The following LSS variants were observed in gnomAD, a reference collection of about 807,000 sequenced individuals.
LSS encodes the protein lanosterol synthase.
In LSS, 90 loss-of-function variants were observed where a neutral mutation model predicts 110.3. That is an observed-to-expected ratio of 0.82 (90% confidence interval 0.69 to 0.97). LSS has a LOEUF of 0.97. LSS is among the 50% of genes least tolerant of loss of function. The probability of loss-of-function intolerance (pLI) is 0.00; values close to 1 mark genes in which losing one functional copy is unlikely to be tolerated. For missense variants in LSS, 927 were observed against 990.0 expected (o/e 0.94, Z 0.85); for synonymous variants, 433 against 400.0 (o/e 1.08, Z -0.98).
At chr21:46,217,139 C>T (rs181358546) in intron 6 of LSS, among the ~76,000 whole-genome samples, 154 of 148,364 alleles carry the variant, frequency 1.0e-3, no homozygotes, top group Non-Finnish European at 2.0e-3. Flanking sequence ...CCCAGCTACT[C>T]GGGAGGCTGA....
rs773537172 is a variant in LSS at position 46,188,612 on chromosome 21, G to A, written c.*2492C>T. 4.3e-6 allele frequency: 2 copies of A among 470,394 alleles called. No homozygotes were observed. Among genetic ancestry groups the A allele is most frequent in the African/African-American group, 2.0e-5 (1 of 50,014 alleles). The allele number at this position is 470,394 out of a possible 1,614,324, so 29.1% of individuals were successfully genotyped here. A position where few individuals can be genotyped will look rare whatever the true frequency, so the allele number is the denominator to read the frequency against. On this transcript the variant is annotated 3_prime_UTR_variant, in exon 22 of 22. Coordinates refer to ENST00000397728, the MANE Select transcript of LSS (RefSeq NM_002340.6). ...CTCCCAGCACCGAGAAGCCGACGGG[G>A]GAGGAACAGACTCCTCTGCATTGTG...
intron 3 of LSS, chr21:46,225,504 T>C: frequency 7.1e-6 from 3 of 420,504 alleles, no homozygotes; most frequent in South Asian, 5.0e-5. Flanking sequence ...CCACCTCTTG[T>C]GGACGGCCTG....
intron 9 of LSS, among the ~76,000 whole-genome samples, chr21:46,214,393 C>T (rs2080172912): frequency 6.6e-6 from 1 of 152,216 alleles, no homozygotes; most frequent in Non-Finnish European, 1.5e-5. Flanking sequence ...CAAAGAACCA[C>T]ATCACTGCTG....
intron 17 of LSS, 82 bp from the exon 18 acceptor site, chr21:46,196,349 A>C (rs1344813598): frequency 2.7e-6 from 3 of 1,102,010 alleles, no homozygotes; most frequent in Non-Finnish European, 2.8e-6. Context: ...CAGGGTCTCA[A>C]AAGAATGAGA....
At chr21:46,219,712 G>A (rs964486033) in intron 5 of LSS, 140 bp from the exon 6 acceptor site, 6 of 511,990 alleles carry the variant, frequency 1.2e-5, no homozygotes, top group East Asian at 3.4e-5. Context: ...TGGATCTTGC[G>A]ACCCCCATGT....
chr21:46,202,310 C>T (rs905990850), intron 17 of LSS, among the ~76,000 whole-genome samples: 1 of 142,558 alleles, frequency 7.0e-6, no homozygotes, highest in African/African-American at 2.5e-5. Flanking sequence ...AGGAGAATGG[C>T]GTGAACCCGG....
intron 8 of LSS, 76 bp downstream of exon 8, chr21:46,215,609 A>C: frequency 9.9e-7 from 1 of 1,011,340 alleles, no homozygotes; most frequent in Non-Finnish European, 1.5e-6. Context: ...CTGGCAGGGG[A>C]TGAGTGCGTG....
At chr21:46,194,989 C>T (rs1206081968) in intron 19 of LSS, among the ~76,000 whole-genome samples, 1 of 152,256 alleles carries the variant, frequency 6.6e-6, no homozygotes, top group African/African-American at 2.4e-5. Context: ...ACGGTGCTCC[C>T]CACCTCTAAA....
chr21:46,210,736 G>T lies in LSS; in HGVS notation c.1146C>A (p.Asn382Lys). The change falls in exon 12 of 22, where the codon AAC becomes AAA. Residue 382 changes from asparagine (N) to lysine (K), a missense_variant. Transcript: ENST00000397728. ...ATGCGGTGTCCCAGATCTGTGAGCC[G>T]TTGGTGCCCTACACACAAAGGATGG... The part of the protein sequence containing the change: ...GLDGMKMQGT[N>K]GSQIWDTAFA... 1 of 1,613,964 alleles carries T rather than the reference G, an allele frequency of 6.2e-7. No individual in the cohort carries two copies. Among genetic ancestry groups the T allele is most frequent in the Non-Finnish European group, 8.5e-7 (1 of 1,179,950 alleles).
intron 12 of LSS, among the ~76,000 whole-genome samples, chr21:46,210,066 T>TC (rs1489585673): frequency 6.9e-6 from 1 of 145,656 alleles, no homozygotes; most frequent in Non-Finnish European, 1.5e-5. Flanking sequence ...TCCAGTTCTT[T>TC]TTTTTTTTTT....
chr21:46,227,597 C>G lies in LSS; in HGVS notation c.274G>C (p.Gly92Arg). Reference protein sequence around the residue: ...TFYVGLQAEDGHWTGDYGGPL... With the variant: ...TFYVGLQAEDRHWTGDYGGPL... ...CCACCATAATCACCCGTCCAGTGCC[C>G]ATCCTCAGCCTGCAGCCCCACGTAA... Residue 92 changes from glycine (G) to arginine (R), a missense_variant, in exon 3 of 22, where the codon GGG (glycine) becomes CGG (arginine). Gly to Arg is a moderately radical substitution (Grantham distance 125, BLOSUM62 -2). Coordinates refer to ENST00000397728, the MANE Select transcript of LSS (RefSeq NM_002340.6). 6.2e-7 allele frequency: 1 copy of G among 1,613,998 alleles called. No individual in the cohort carries two copies. The highest frequency in any genetic ancestry group is 8.5e-7 in the Non-Finnish European group (1 of 1,180,006).
At chr21:46,212,411 G>A (rs1218565874) in intron 11 of LSS, among the ~76,000 whole-genome samples, 5 of 152,236 alleles carry the variant, frequency 3.3e-5, no homozygotes, top group Admixed American at 6.5e-5. Context: ...ACACTGTCTG[G>A]GCTTCTGACA....
At chr21:46,222,171 C>G (rs1353773243) in intron 4 of LSS, 196 bp from the exon 5 acceptor site, 1 of 608,828 alleles carries the variant, frequency 1.6e-6, no homozygotes, top group African/African-American at 1.9e-5. Context: ...CAACTGAGCC[C>G]CCCACTCCTT....
At chr21:46,199,609 TTAG>T (rs1458497231) in intron 17 of LSS, among the ~76,000 whole-genome samples, 3 of 152,338 alleles carry the variant, frequency 2.0e-5, no homozygotes, top group Non-Finnish European at 2.9e-5. Context: ...GACATTCACC[TTAG>T]TAGGTGAATG....
intron 11 of LSS, among the ~76,000 whole-genome samples, chr21:46,211,305 T>G (rs999358928): frequency 2.0e-5 from 3 of 152,156 alleles, no homozygotes; most frequent in African/African-American, 7.2e-5. Context: ...TTTTTTTGTA[T>G]TTTTTAGTAG....
At chr21:46,198,267 TAAA>T (rs34529498) in intron 17 of LSS, among the ~76,000 whole-genome samples, 18 of 143,672 alleles carry the variant, frequency 1.3e-4, no homozygotes, top group Admixed American at 6.9e-5. Context: ...CTGCGTCCCT[TAAA>T]AAAAAAAAAA....
Position 46,204,586 on chromosome 21 carries a change from G to A in LSS, c.1670+1250C>T, listed in dbSNP as rs144157100. 1.1e-4 allele frequency among the ~76,000 whole-genome samples: 17 copies of A among 149,980 alleles called. No individual in the cohort carries two copies. In the East Asian group the frequency reaches 2.1e-3, roughly 19 times the overall value. ...TATAAACTATTAAAGAAATTACACC[G>A]CACTCCAGCCTGAGTGAGAGAGCTA... On this transcript the variant is annotated intron_variant, in intron 17 of 21. Coordinates refer to ENST00000397728, the MANE Select transcript of LSS (RefSeq NM_002340.6).
rs371188906 is a variant in LSS at position 46,228,749 on chromosome 21, T to A, written c.-4A>T. The A allele has an allele frequency of 1.3e-5, 20 of 1,592,340 alleles. No individual in the cohort carries two copies. The African/African-American group carries it at 2.0e-4, about 16-fold the overall frequency. On this transcript the variant is annotated 5_prime_UTR_variant, in exon 1 of 22. Transcript: ENST00000397728. ...GGACTCACGTGCCCTCCGTCATTGC[T>A]GCTGCAGTGCTCTACGCCGCCCACT... is the stretch of plus-strand genomic sequence containing the variant.
At chr21:46,222,091 G>C in intron 4 of LSS, 116 bp from the exon 5 acceptor site, 1 of 1,173,122 alleles carries the variant, frequency 8.5e-7, no homozygotes, top group Non-Finnish European at 1.2e-6. Context: ...GCCTTAACCT[G>C]ACATAACATG....
Sources: allele counts gnomAD v4.1 joint callset (sites outside exome capture counted in the v4.1 genomes callset), GRCh38; gene constraint gnomAD v4.1.1; transcripts MANE v1.5; gene names NCBI Gene and HGNC (gene_info 2026-07-23, HGNC 2026-07-21).